The following FOXO3 variants were observed in gnomAD, a reference collection of about 807,000 sequenced individuals.
The protein encoded by FOXO3 is forkhead box O3.
In FOXO3, 4 loss-of-function variants were observed where a neutral mutation model predicts 41.9. That is an observed-to-expected ratio of 0.10 (90% CI 0.05 to 0.22). FOXO3 has a LOEUF of 0.22. Among genes scored for constraint, FOXO3 ranks in the 10% least tolerant of loss-of-function variants. The pLI is 1.00. For synonymous variants in FOXO3, 318 were observed against 389.3 expected, an observed-to-expected ratio of 0.82 and a Z score of 2.16; for missense variants, 534 against 906.8, an observed-to-expected ratio of 0.59 and a Z score of 5.28.
chr6:108,648,080 G>T (rs1778442806), intron 1 of FOXO3, among the ~76,000 whole-genome samples: 1 of 152,170 alleles, frequency 6.6e-6, no homozygotes, highest in Non-Finnish European at 1.5e-5. Flanking sequence ...CGAGGGGAGA[G>T]ACCTGGAAGC....
chr6:108,611,005 C>T (rs113634363), intron 1 of FOXO3, among the ~76,000 whole-genome samples: 1 of 152,118 alleles, frequency 6.6e-6, no homozygotes, highest in African/African-American at 2.4e-5. Flanking sequence ...TCCCTCATGG[C>T]TTATTTTCAT....
chr6:108,648,214 G>A (rs1431061416), intron 1 of FOXO3, among the ~76,000 whole-genome samples: 1 of 152,192 alleles, frequency 6.6e-6, no homozygotes, highest in East Asian at 1.9e-4. Flanking sequence ...AGTACTGTTA[G>A]GACTGCCTTG....
In FOXO3 at chr6:108,681,601, G is replaced by C. The variant is rs964420139; in HGVS notation, c.*1809G>C. The C allele has an allele frequency of 6.0e-5, 9 of 151,108 alleles. No individual in the cohort carries two copies. Among genetic ancestry groups the C allele is most frequent in the African/African-American group, 2.2e-4 (9 of 40,988 alleles). The allele number at this position is 151,108 out of a possible 1,614,324, so 9.4% of individuals were successfully genotyped here. A position where few individuals can be genotyped will look rare whatever the true frequency, so the allele number is the denominator to read the frequency against. ...GGTATTGTCACACGTCTCCTGCCTC[G>C]CTTGGGTTGCCATGTTTGAGCGATG... On this transcript the variant is annotated 3_prime_UTR_variant, in exon 3 of 3. Coordinates refer to ENST00000406360, the MANE Select transcript of FOXO3 (RefSeq NM_001455.4).
intron 1 of FOXO3, among the ~76,000 whole-genome samples, chr6:108,658,731 G>A (rs1273018955): frequency 6.6e-6 from 1 of 152,092 alleles, no homozygotes; most frequent in East Asian, 1.9e-4. Context: ...GCCAACATTG[G>A]TTTGTATGGT....
intron 1 of FOXO3, among the ~76,000 whole-genome samples, chr6:108,644,603 T>C (rs1322442331): frequency 6.6e-6 from 1 of 152,178 alleles, no homozygotes; most frequent in African/African-American, 2.4e-5. Flanking sequence ...GTCTGATCCC[T>C]GTTCTCTACC....
chr6:108,635,313 T>A (rs1778092953), intron 1 of FOXO3, among the ~76,000 whole-genome samples: 1 of 151,886 alleles, frequency 6.6e-6, no homozygotes, highest in Non-Finnish European at 1.5e-5. Context: ...ATAATAATAA[T>A]AATAAATACT....
Position 108,663,735 on chromosome 6 carries a change from A to G in FOXO3, c.902A>G (p.Asp301Gly), listed in dbSNP as rs776310005. 5 of 1,613,804 alleles carry G rather than the reference A, an allele frequency of 3.1e-6. No homozygotes were observed. In the Admixed American group the frequency reaches 5.0e-5, roughly 16 times the overall value. The change falls in exon 2 of 3, where the codon GAT becomes GGT. Residue 301 changes from aspartate to glycine, a missense_variant. Asp to Gly is a moderately conservative substitution (Grantham distance 94). Coordinates refer to ENST00000406360, the MANE Select transcript of FOXO3 (RefSeq NM_001455.4). ...WPGSPTSRSS[D>G]ELDAWTDFRS... ...GGCAGCCCCACGTCACGCAGCAGTG[A>G]TGAGCTGGATGCGTGGACGGACTTC... is the stretch of plus-strand genomic sequence containing the variant.
At chr6:108,665,005 G>A in intron 2 of FOXO3, 116 bp downstream of exon 2, 1 of 1,140,006 alleles carries the variant, frequency 8.8e-7, no homozygotes, top group South Asian at 1.6e-5. Context: ...CCATGGAGCA[G>A]TGGTGCACAT....
chr6:108,584,928 G>T (rs1776532397), intron 1 of FOXO3, among the ~76,000 whole-genome samples: 1 of 151,254 alleles, frequency 6.6e-6, no homozygotes, highest in Non-Finnish European at 1.5e-5. Context: ...CCTGCACAGG[G>T]TGGTAGAGCT....
chr6:108,638,873 C>T (rs899306543), intron 1 of FOXO3, among the ~76,000 whole-genome samples: 8 of 152,162 alleles, frequency 5.3e-5, no homozygotes, highest in Non-Finnish European at 1.2e-4. Context: ...TTTCTCTCAT[C>T]CTCAAGTTAT....
rs1777081251 is a variant in FOXO3, at chr6:108,602,585, T to C, written c.621+40756T>C. Among the ~76,000 whole-genome samples, 3 of 152,146 alleles carry C rather than the reference T, an allele frequency of 2.0e-5. No homozygotes were observed. In the East Asian group the frequency reaches 5.8e-4, roughly 29 times the overall value. ...TGAGTTTTTGTATGTTGCTGCTGTCTGTTATTTGTCCCTCATATTTATCCA... is the reference window on the plus strand; with the variant it reads ...TGAGTTTTTGTATGTTGCTGCTGTCCGTTATTTGTCCCTCATATTTATCCA... On this transcript the variant is annotated intron_variant, in intron 1 of 2. Transcript: ENST00000406360.
At chr6:108,655,144 G>C (rs943988794) in intron 1 of FOXO3, among the ~76,000 whole-genome samples, 1 of 152,116 alleles carries the variant, frequency 6.6e-6, no homozygotes, top group African/African-American at 2.4e-5. Flanking sequence ...CCTTCTTTCT[G>C]TCCATGCCTG....
intron 1 of FOXO3, among the ~76,000 whole-genome samples, chr6:108,603,111 T>A (rs1777100962): frequency 6.6e-6 from 1 of 152,124 alleles, no homozygotes; most frequent in Non-Finnish European, 1.5e-5. Flanking sequence ...CTGTAGTTTT[T>A]TTTTTTCTTT....
chr6:108,680,456 G>C lies in FOXO3; in HGVS notation c.*664G>C, dbSNP rs1481197462. 2.0e-5 allele frequency: 3 copies of C among 152,144 alleles called. No individual in the cohort carries two copies. Among genetic ancestry groups the C allele is most frequent in the Non-Finnish European group, 4.4e-5 (3 of 68,028 alleles). 9.4% of individuals were successfully genotyped at this position (152,144 alleles called of 1,614,324 possible). ...GAACAATGGCACAATTGTTTGCTAT[G>C]TGCACCCGTCCAGGACAGAACCGTG... On this transcript the variant is annotated 3_prime_UTR_variant, in exon 3 of 3. Coordinates refer to ENST00000406360, the MANE Select transcript of FOXO3 (RefSeq NM_001455.4).
chr6:108,586,004 A>G (rs966048445), intron 1 of FOXO3, among the ~76,000 whole-genome samples: 11 of 152,090 alleles, frequency 7.2e-5, no homozygotes, highest in Admixed American at 6.6e-5. Flanking sequence ...CCGGCTTCCT[A>G]CTTTTTCACT....
intron 1 of FOXO3, among the ~76,000 whole-genome samples, chr6:108,587,632 T>C (rs113757031): frequency 0.021 from 3,212 of 152,296 alleles, 118 homozygotes; most frequent in African/African-American, 0.071. Context: ...CCCCTTCGTT[T>C]TAGACCAGTC....
At chr6:108,638,008 G>C (rs1778163663) in intron 1 of FOXO3, among the ~76,000 whole-genome samples, 1 of 152,108 alleles carries the variant, frequency 6.6e-6, no homozygotes, top group Non-Finnish European at 1.5e-5. Flanking sequence ...AGAAAAAAAT[G>C]AAAACAAAAT....
At chr6:108,678,088 G>A (rs1770687574) in intron 2 of FOXO3, among the ~76,000 whole-genome samples, 1 of 152,116 alleles carries the variant, frequency 6.6e-6, no homozygotes, top group Non-Finnish European at 1.5e-5. Context: ...ATGACCATGG[G>A]CATGTAACAT....
intron 1 of FOXO3, among the ~76,000 whole-genome samples, chr6:108,609,900 G>T (rs951983545): frequency 6.6e-6 from 1 of 152,142 alleles, no homozygotes; most frequent in Non-Finnish European, 1.5e-5. Flanking sequence ...TTAAATTCAG[G>T]AGATGTGCCT....
Sources: allele counts gnomAD v4.1 joint callset (sites outside exome capture counted in the v4.1 genomes callset), GRCh38; gene constraint gnomAD v4.1.1; transcripts MANE v1.5; gene names NCBI Gene and HGNC (gene_info 2026-07-23, HGNC 2026-07-21).